The following PVT1 variants were observed in gnomAD, a reference collection of about 807,000 sequenced individuals.
The protein encoded by PVT1 is CXCR4/PVT1 fusion.
chr8:127,881,750 C>A (rs1193408531), intron 2 of PVT1, among the ~76,000 whole-genome samples: 3 of 152,084 alleles, frequency 2.0e-5, no homozygotes, highest in Non-Finnish European at 2.9e-5. Flanking sequence ...AGCCACCACA[C>A]CCGGCCTATT....
At chr8:127,973,155 C>CA (rs1816782634) in intron 3 of PVT1, among the ~76,000 whole-genome samples, 1 of 152,138 alleles carries the variant, frequency 6.6e-6, no homozygotes, top group African/African-American at 2.4e-5. Flanking sequence ...CTTGACCTCC[C>CA]AAAGTGCCAG....
intron 4 of PVT1, among the ~76,000 whole-genome samples, chr8:128,063,137 G>A (rs980925413): frequency 1.3e-5 from 2 of 152,026 alleles, no homozygotes; most frequent in Admixed American, 1.3e-4. Flanking sequence ...GTCTTTCCTG[G>A]CACCATGAAA....
At chr8:127,862,297 A>C (rs111680819) in intron 2 of PVT1, among the ~76,000 whole-genome samples, 3,870 of 152,110 alleles carry the variant, frequency 0.025, 165 homozygotes, top group African/African-American at 0.088. Context: ...AATCCCAGCT[A>C]TTCAGGAGGC....
At chr8:127,992,100 T>G (rs1817049075) in intron 4 of PVT1, among the ~76,000 whole-genome samples, 1 of 151,752 alleles carries the variant, frequency 6.6e-6, no homozygotes, top group Non-Finnish European at 1.5e-5. Context: ...GGAAAAAAAT[T>G]TCTTGCCAGG....
intron 3 of PVT1, among the ~76,000 whole-genome samples, chr8:127,921,009 T>G (rs987808778): frequency 6.6e-6 from 1 of 152,198 alleles, no homozygotes; most frequent in Admixed American, 6.5e-5. Context: ...AATAAAATAT[T>G]TAAGTGTTGG....
At chr8:127,806,705 C>T (rs1177837400) in intron 2 of PVT1, among the ~76,000 whole-genome samples, 1 of 152,212 alleles carries the variant, frequency 6.6e-6, no homozygotes, top group Non-Finnish European at 1.5e-5. Context: ...CAGTCTCCTT[C>T]TCCACCCCCA....
At chr8:127,812,264 CAGGAAGGA>C (rs112398801) in intron 2 of PVT1, among the ~76,000 whole-genome samples, 22 of 126,030 alleles carry the variant, frequency 1.7e-4, no homozygotes, top group African/African-American at 7.6e-4. Flanking sequence ...GGCAGGAAGG[CAGGAAGGA>C]AGGAAGGAAG....
At chr8:128,011,234 G>C (rs1477809162) in intron 4 of PVT1, among the ~76,000 whole-genome samples, 2 of 152,182 alleles carry the variant, frequency 1.3e-5, no homozygotes, top group East Asian at 3.8e-4. Context: ...GTCTCAATCA[G>C]ATTTGCTTCT....
At chr8:127,824,178 C>T (rs1351022910) in intron 2 of PVT1, among the ~76,000 whole-genome samples, 1 of 151,892 alleles carries the variant, frequency 6.6e-6, no homozygotes, top group Non-Finnish European at 1.5e-5. Context: ...GAGACCCTAT[C>T]TCAAAAAAAA....
intron 3 of PVT1, among the ~76,000 whole-genome samples, chr8:127,969,331 A>G (rs536749057): frequency 2.1e-4 from 32 of 152,210 alleles, no homozygotes; most frequent in Non-Finnish European, 3.7e-4. Flanking sequence ...GCTGGTTTCC[A>G]TTCCTTTATC....
intron 2 of PVT1, among the ~76,000 whole-genome samples, chr8:127,863,405 T>G (rs180709503): frequency 1.5e-3 from 229 of 152,320 alleles, no homozygotes; most frequent in African/African-American, 5.4e-3. Context: ...CCACCGTGCC[T>G]GGCCAGTTGC....
chr8:127,874,903 G>GGTGTGTGT (rs112419227), intron 2 of PVT1, among the ~76,000 whole-genome samples: 4 of 145,706 alleles, frequency 2.7e-5, no homozygotes, highest in East Asian at 2.0e-4. Flanking sequence ...TTGGCCTCCA[G>GGTGTGTGT]GTGTGTGTGT....
At chr8:128,034,960 T>C (rs764943174) in intron 4 of PVT1, among the ~76,000 whole-genome samples, 11 of 152,182 alleles carry the variant, frequency 7.2e-5, no homozygotes, top group Non-Finnish European at 1.3e-4. Context: ...AGAATAGAGA[T>C]GATGTTTGCA....
chr8:127,871,947 C>G (rs182311270), intron 2 of PVT1, among the ~76,000 whole-genome samples: 13 of 152,222 alleles, frequency 8.5e-5, no homozygotes, highest in African/African-American at 3.1e-4. Flanking sequence ...AAAAAATTAG[C>G]CAGACGTGGT....
At chr8:128,056,362 C>G (rs918679440) in intron 4 of PVT1, among the ~76,000 whole-genome samples, 1 of 152,170 alleles carries the variant, frequency 6.6e-6, no homozygotes, top group Non-Finnish European at 1.5e-5. Context: ...GGTATGTATA[C>G]TCATATATGC....
At chr8:128,027,327 G>A (rs1215936382) in intron 4 of PVT1, among the ~76,000 whole-genome samples, 2 of 152,210 alleles carry the variant, frequency 1.3e-5, no homozygotes, top group African/African-American at 2.4e-5. Context: ...CACTGTTTGA[G>A]GTCCCTGGAG....
intron 2 of PVT1, among the ~76,000 whole-genome samples, chr8:127,832,681 A>T (rs780069216): frequency 7.2e-5 from 11 of 152,024 alleles, no homozygotes; most frequent in Non-Finnish European, 1.6e-4. Flanking sequence ...ACATGGTGAA[A>T]CCCCATCTCT....
At chr8:127,802,596 A>G (rs1053798701) in intron 2 of PVT1, among the ~76,000 whole-genome samples, 1 of 152,274 alleles carries the variant, frequency 6.6e-6, no homozygotes, top group Non-Finnish European at 1.5e-5. Flanking sequence ...TTAAATTATT[A>G]AAATTAATTT....
chr8:127,966,765 A>G (rs1324562131), intron 3 of PVT1, among the ~76,000 whole-genome samples: 1 of 152,242 alleles, frequency 6.6e-6, no homozygotes, highest in African/African-American at 2.4e-5. Context: ...GTAAAAGTCA[A>G]GTGTGAGCCA....
Sources: gnomAD v4.1 joint callset for allele counts (sites outside exome capture counted in the v4.1 genomes callset) on GRCh38, gnomAD v4.1.1 for gene constraint, MANE v1.5 for transcripts, NCBI Gene and HGNC (gene_info 2026-07-23, HGNC 2026-07-21) for gene names.